DPF1: variants seen among roughly 807,000 people sequenced by gnomAD.
The protein encoded by DPF1 is double PHD fingers 1.
In DPF1, 14 loss-of-function variants were observed where a neutral mutation model predicts 58.7. That is an observed-to-expected ratio of 0.24 (90% CI 0.16 to 0.37). DPF1 has a LOEUF of 0.37. Ranked by LOEUF, DPF1 falls within the 10% of genes least tolerant of loss-of-function variation. The pLI, the probability that DPF1 is intolerant of heterozygous loss-of-function variation, is 1.00. For synonymous variants in DPF1, 216 were observed against 216.0 expected (o/e 1.00, Z 0.00); for missense variants, 345 against 529.9 (o/e 0.65, Z 3.43).
At chr19:38,216,933 G>C (rs1328663894) in intron 7 of DPF1, among the ~76,000 whole-genome samples, 1 of 152,196 alleles carries the variant, frequency 6.6e-6, no homozygotes, top group East Asian at 1.9e-4. Flanking sequence ...CAGACACTCG[G>C]AAGAAAAACT....
At chr19:38,224,540 C>T (rs1446576035), upstream of DPF1, among the ~76,000 whole-genome samples, 1 of 152,174 alleles carries the variant, frequency 6.6e-6, no homozygotes, top group Admixed American at 6.5e-5. This position sits in a 1 kb window ranked among gnomAD's most constrained non-coding sequence, Gnocchi z 4.5. Flanking sequence ...CACCTTCGCA[C>T]GGACTCACAC....
rs2146240248 is a variant in DPF1 at position 38,229,484 on chromosome 19, A to G, written c.-132+75T>C. On this transcript the variant is annotated intron_variant, in intron 1 of 11. Coordinates refer to the DPF1 transcript ENST00000412732. The surrounding 1 kb of genome is among the most constrained non-coding windows in gnomAD (Gnocchi z 5.3). ...GTCCGCGCGCTGCGTCCCCCTCCTC[A>G]GCCCCAGGGCGGGCGGGGGAAGGGC... The G allele has an allele frequency of 1.4e-6, 1 of 736,348 alleles. No individual in the cohort carries two copies. Among genetic ancestry groups the G allele is most frequent in the Non-Finnish European group, 1.6e-6 (1 of 608,790 alleles). 45.6% of individuals were successfully genotyped at this position (736,348 alleles called of 1,614,324 possible). A position where few individuals can be genotyped will look rare whatever the true frequency, so the allele number is the denominator to read the frequency against.
At chr19:38,213,255 G>A (rs1973590477) in intron 10 of DPF1, among the ~76,000 whole-genome samples, 1 of 152,170 alleles carries the variant, frequency 6.6e-6, no homozygotes, top group South Asian at 2.1e-4. Flanking sequence ...GATTCCAGGC[G>A]TGAGCCACCG....
chr19:38,215,366 G>A (rs1457456632), intron 9 of DPF1, among the ~76,000 whole-genome samples: 1 of 151,952 alleles, frequency 6.6e-6, no homozygotes, highest in African/African-American at 2.4e-5. Context: ...GGTGGCGGGT[G>A]CCTGTAATCC....
upstream of DPF1, among the ~76,000 whole-genome samples, chr19:38,226,797 G>A (rs141810822): frequency 1.3e-5 from 2 of 151,776 alleles, no homozygotes; most frequent in Middle Eastern, 3.4e-3. Context: ...CACAGGTCCC[G>A]TAACACACCC....
chr19:38,214,831 CTTTTTTTTTTT>C (rs36047300), intron 9 of DPF1, among the ~76,000 whole-genome samples: 1 of 89,396 alleles, frequency 1.1e-5, no homozygotes, highest in Non-Finnish European at 2.1e-5. Context: ...TATGCCCAGC[CTTTTTTTTTTT>C]TTTTTTTTTT....
chr19:38,212,848 T>G (rs1399230460), intron 10 of DPF1, among the ~76,000 whole-genome samples: 1 of 147,808 alleles, frequency 6.8e-6, no homozygotes, highest in Non-Finnish European at 1.5e-5. Flanking sequence ...CTAGAACTCC[T>G]GGGCTCAAAA....
In DPF1 at chr19:38,222,789, G is replaced by T; in HGVS notation, c.30-81C>A. The T allele has an allele frequency of 7.0e-7, 1 of 1,425,856 alleles. No homozygotes were observed. The highest frequency in any genetic ancestry group is 1.5e-5 in the South Asian group (1 of 67,412). The allele number at this position is 1,425,856 out of a possible 1,614,324, so 88.3% of individuals were successfully genotyped here. A position where few individuals can be genotyped will look rare whatever the true frequency, so the allele number is the denominator to read the frequency against. On this transcript the variant is annotated intron_variant, in intron 1 of 11. Transcript: ENST00000355526. The surrounding 1 kb of genome is among the most constrained non-coding windows in gnomAD (Gnocchi z 4.9). ...GCCCAGCACCCCTTCCCCGGCTGCC[G>T]GGCCGCCCAGGCTCGGGAGGGGTGG...
rs768471353 is a variant in DPF1 at position 38,222,757 on chromosome 19, C to G, written c.30-49G>C. On this transcript the variant is annotated intron_variant, in intron 1 of 11. Transcript: ENST00000355526. This position sits in a 1 kb window ranked among gnomAD's most constrained non-coding sequence, Gnocchi z 4.9. ...GCGGCTGTCAGCAAGGGCAGGCGCA[C>G]AGGGTCGCCCAGCACCCCTTCCCCG... 1.7e-5 allele frequency: 26 copies of G among 1,495,566 alleles called. No individual in the cohort carries two copies. In the Admixed American group the frequency reaches 2.1e-4, roughly 12 times the overall value. The allele number at this position is 1,495,566 out of a possible 1,614,324, so 92.6% of individuals were successfully genotyped here. A position where few individuals can be genotyped will look rare whatever the true frequency, so the allele number is the denominator to read the frequency against.
At chr19:38,213,879 A>T in intron 9 of DPF1, 123 bp from the exon 10 acceptor site, 1 of 773,170 alleles carries the variant, frequency 1.3e-6, no homozygotes, top group South Asian at 1.7e-5. Flanking sequence ...AGCTGCCGGG[A>T]TCCACAGCCT....
At chr19:38,221,238 A>T (rs1967449120) in intron 3 of DPF1, among the ~76,000 whole-genome samples, 1 of 152,154 alleles carries the variant, frequency 6.6e-6, no homozygotes, top group Admixed American at 6.5e-5. Flanking sequence ...GCACCCACAG[A>T]AAAAAATACA....
intron 9 of DPF1, chr19:38,214,083 G>A (rs146619842): frequency 1.4e-3 from 365 of 262,954 alleles, no homozygotes; most frequent in African/African-American, 7.5e-3. Context: ...GTTAACCACC[G>A]TGCTGAGACA....
intron 3 of DPF1, among the ~76,000 whole-genome samples, chr19:38,220,459 A>G (rs901418615): frequency 1.1e-4 from 16 of 151,840 alleles, no homozygotes; most frequent in Non-Finnish European, 1.3e-4. Flanking sequence ...GTCTCTACTA[A>G]AAATACAAAA....
In DPF1 at chr19:38,211,832, T is replaced by C. The variant is rs1600226185; in HGVS notation, c.*231A>G. On this transcript the variant is annotated 3_prime_UTR_variant, in exon 12 of 12. Transcript: ENST00000355526. The surrounding 1 kb of genome is among the most constrained non-coding windows in gnomAD (Gnocchi z 4.0). ...GCTTTGAGGGGAGAAGCCCCTGGTG[T>C]CCATTTGCCAAGGGACAGAGAGGGA... is the stretch of plus-strand genomic sequence containing the variant. The C allele has an allele frequency of 3.6e-6, 2 of 548,600 alleles. No homozygotes were observed. The highest frequency in any genetic ancestry group is 6.3e-6 in the Non-Finnish European group (2 of 316,450). The allele number at this position is 548,600 out of a possible 1,614,324, so 34.0% of individuals were successfully genotyped here.
chr19:38,219,151 A>C, intron 3 of DPF1, 93 bp from the exon 4 acceptor site: 2 of 1,539,958 alleles, frequency 1.3e-6, no homozygotes, highest in Non-Finnish European at 8.8e-7. Context: ...TCTTTGCAGG[A>C]GGGAAGAGGC....
rs1386225997 is a variant in DPF1 at position 38,217,790 on chromosome 19, G to A, written c.595+8C>T. ...TCTCTGCCTTTCCCCCTCTTCAGAA[G>A]GACTCACTATCACAGACATACGGCT... On this transcript the variant is annotated splice_region_variant and intron_variant, in intron 6 of 11. Coordinates refer to ENST00000355526, the MANE Select transcript of DPF1 (RefSeq NM_001135155.3). 1 of 1,614,062 alleles carries A rather than the reference G, an allele frequency of 6.2e-7. No individual in the cohort carries two copies. The highest frequency in any genetic ancestry group is 8.5e-7 in the Non-Finnish European group (1 of 1,180,002).
upstream of DPF1, chr19:38,224,395 C>A: frequency 1.2e-6 from 1 of 849,582 alleles, no homozygotes; most frequent in Non-Finnish European, 1.6e-6. The surrounding 1 kb of genome is among the most constrained non-coding windows in gnomAD (Gnocchi z 4.5). Context: ...CACTCACCCG[C>A]CCTCACTCGT....
chr19:38,226,645 C>T (rs1320267366), upstream of DPF1, among the ~76,000 whole-genome samples: 1 of 152,034 alleles, frequency 6.6e-6, no homozygotes, highest in Non-Finnish European at 1.5e-5. Flanking sequence ...TCACATATGG[C>T]CTGGAGTGGT....
chr19:38,222,658 TTG>T lies in DPF1; in HGVS notation c.78_79del (p.Tyr26Ter). On this transcript the variant is annotated stop_gained and frameshift_variant, in exon 2 of 12. Transcript: ENST00000355526. LOFTEE classifies it high-confidence loss of function. The surrounding 1 kb of genome is among the most constrained non-coding windows in gnomAD (Gnocchi z 4.9). The stretch of plus-strand genomic sequence containing the variant: ...GCTGCGCTCGGCGCACAGGCGCGCG[TTG>T]TAACTGCGGCAGTGCTCGATGGCCT... 6.2e-7 allele frequency: 1 copy of T among 1,608,448 alleles called. No individual in the cohort carries two copies. The highest frequency in any genetic ancestry group is 8.5e-7 in the Non-Finnish European group (1 of 1,177,964).
Sources: allele counts gnomAD v4.1 joint callset (sites outside exome capture counted in the v4.1 genomes callset), GRCh38; gene constraint gnomAD v4.1.1; non-coding constraint Gnocchi (gnomAD v3.1); transcripts MANE v1.5; gene names NCBI Gene and HGNC (gene_info 2026-07-23, HGNC 2026-07-21).